Variants in ASIC2 observed in about 807,000 individuals in gnomAD.
The protein encoded by ASIC2 is acid sensing ion channel subunit 2, also known as acid-sensing ion channel 2.
Under a neutral mutation model 57.3 loss-of-function variants are expected in ASIC2, and 25 were observed. That is an observed-to-expected ratio of 0.44 (90% CI 0.32 to 0.61). ASIC2 has a LOEUF of 0.61. Ranked by LOEUF, ASIC2 falls within the 20% of genes least tolerant of loss-of-function variation. The pLI is 0.06. For synonymous variants in ASIC2, 319 were observed against 307.5 expected (o/e 1.04, Z -0.39); for missense variants, 641 against 738.1 (o/e 0.87, Z 1.52).
chr17:34,012,032 G>GC (rs1290555077), intron 1 of ASIC2, among the ~76,000 whole-genome samples: 1 of 152,116 alleles, frequency 6.6e-6, no homozygotes, highest in Non-Finnish European at 1.5e-5. Flanking sequence ...TCTCTGTTCT[G>GC]CCACCACCTC....
At chr17:33,159,646 C>T (rs904328043) in intron 1 of ASIC2, among the ~76,000 whole-genome samples, 1 of 152,156 alleles carries the variant, frequency 6.6e-6, no homozygotes, top group Admixed American at 6.5e-5. Flanking sequence ...ACGAAAGTGC[C>T]TTGAAATTGC....
chr17:33,041,414 T>C (rs77997139), intron 3 of ASIC2, among the ~76,000 whole-genome samples: 5,868 of 152,286 alleles, frequency 0.039, 121 homozygotes, highest in African/African-American at 0.065. Flanking sequence ...GCCATCCTCC[T>C]CTCAGAACAT....
intron 1 of ASIC2, among the ~76,000 whole-genome samples, chr17:33,121,430 G>A (rs947706522): frequency 2.0e-5 from 3 of 152,022 alleles, no homozygotes; most frequent in African/African-American, 4.8e-5. Flanking sequence ...AGTGATGGGG[G>A]GATGGTGGTT....
At chr17:33,061,427 T>C (rs1347912618) in intron 3 of ASIC2, among the ~76,000 whole-genome samples, 2 of 152,222 alleles carry the variant, frequency 1.3e-5, no homozygotes, top group Non-Finnish European at 2.9e-5. Context: ...AATCATGTGG[T>C]TTTTGTCTTT....
At chr17:33,273,053 G>A (rs539555539) in intron 1 of ASIC2, among the ~76,000 whole-genome samples, 23 of 152,242 alleles carry the variant, frequency 1.5e-4, no homozygotes, top group Admixed American at 7.8e-4. Context: ...AAATTGCCCC[G>A]AGTTTGTACA....
chr17:34,036,738 G>T (rs1597986577), intron 1 of ASIC2: 1 of 113,124 alleles, frequency 8.8e-6, no homozygotes. Context: ...TAAAAAAATA[G>T]CACTTCAAAT....
At chr17:33,297,872 A>G (rs1905784998), upstream of ASIC2, among the ~76,000 whole-genome samples, 1 of 149,602 alleles carries the variant, frequency 6.7e-6, no homozygotes, top group African/African-American at 2.5e-5. Flanking sequence ...ATAAATAATA[A>G]AGTTTATTGA....
chr17:33,443,963 A>G (rs1209801238), intron 1 of ASIC2, among the ~76,000 whole-genome samples: 1 of 152,172 alleles, frequency 6.6e-6, no homozygotes, highest in Admixed American at 6.5e-5. Flanking sequence ...CTTGCGCTCA[A>G]ACAAGTGCTT....
intron 1 of ASIC2, among the ~76,000 whole-genome samples, chr17:34,062,339 C>T (rs2142061569): frequency 6.6e-6 from 1 of 152,192 alleles, no homozygotes; most frequent in East Asian, 1.9e-4. Context: ...CAATAAATGA[C>T]ACAGCCTATC....
intron 1 of ASIC2, chr17:33,932,460 T>C (rs1486883467): frequency 6.6e-6 from 1 of 151,820 alleles, no homozygotes; most frequent in Non-Finnish European, 1.5e-5. Context: ...TCCCAGCACT[T>C]GGGGAGGCTG....
intron 1 of ASIC2, among the ~76,000 whole-genome samples, chr17:33,351,876 A>T (rs1908197136): frequency 6.6e-6 from 1 of 151,984 alleles, no homozygotes; most frequent in African/African-American, 2.4e-5. Context: ...AGGATGGGGG[A>T]GTCGGAACCT....
intron 1 of ASIC2, among the ~76,000 whole-genome samples, chr17:33,613,311 C>T (rs1398762752): frequency 6.6e-6 from 1 of 151,154 alleles, no homozygotes; most frequent in Non-Finnish European, 1.5e-5. Context: ...AAACTGGATA[C>T]TTTAAACAGT....
At chr17:33,612,065 A>G (rs995155653) in intron 1 of ASIC2, among the ~76,000 whole-genome samples, 3 of 152,208 alleles carry the variant, frequency 2.0e-5, no homozygotes, top group African/African-American at 7.2e-5. Context: ...CCCAGCTTAA[A>G]GGCAATGAAA....
At chr17:34,012,339 C>A (rs765851579) in intron 1 of ASIC2, among the ~76,000 whole-genome samples, 9 of 152,172 alleles carry the variant, frequency 5.9e-5, no homozygotes, top group Non-Finnish European at 1.2e-4. Context: ...TATAGCCTAT[C>A]TCCACTAAAC....
At chr17:33,362,421 G>A (rs1174706939) in intron 1 of ASIC2, among the ~76,000 whole-genome samples, 1 of 152,222 alleles carries the variant, frequency 6.6e-6, no homozygotes, top group Non-Finnish European at 1.5e-5. Context: ...TAAAGAGCTA[G>A]AGGAGTGCCT....
At chr17:33,298,328 A>G (rs533628479) in intron 1 of ASIC2, among the ~76,000 whole-genome samples, 2 of 152,104 alleles carry the variant, frequency 1.3e-5, no homozygotes, top group South Asian at 4.2e-4. Context: ...GTTCCCACCT[A>G]TGAGTGAGAA....
intron 1 of ASIC2, among the ~76,000 whole-genome samples, chr17:33,805,722 T>C (rs1912249360): frequency 6.6e-6 from 1 of 152,176 alleles, no homozygotes; most frequent in African/African-American, 2.4e-5. Flanking sequence ...AAGGTCACGA[T>C]GGACATTAGC....
chr17:34,153,614 G>A (rs893071353), intron 1 of ASIC2, among the ~76,000 whole-genome samples: 5 of 152,156 alleles, frequency 3.3e-5, no homozygotes, highest in African/African-American at 1.2e-4. Flanking sequence ...GCCCAGCTGG[G>A]GCCAGAGACC....
At chr17:34,123,442 G>A (rs1911685877) in intron 1 of ASIC2, among the ~76,000 whole-genome samples, 1 of 152,182 alleles carries the variant, frequency 6.6e-6, no homozygotes, top group African/African-American at 2.4e-5. Context: ...CCAGACTCCT[G>A]GGGAATGGCA....
Sources: allele counts gnomAD v4.1 joint callset (sites outside exome capture counted in the v4.1 genomes callset), GRCh38; gene constraint gnomAD v4.1.1; transcripts MANE v1.5; gene names NCBI Gene and HGNC (gene_info 2026-07-23, HGNC 2026-07-21).